DUXA: variants seen among roughly 807,000 people sequenced by gnomAD.
The protein encoded by DUXA is double homeobox A, also known as double homeobox protein A.
In DUXA, 25 loss-of-function variants were observed where a neutral mutation model predicts 27.5. That is an observed-to-expected ratio of 0.91 (90% confidence interval 0.66 to 1.27). The LOEUF (loss-of-function observed/expected upper bound fraction) is 1.27. Ranked by LOEUF, DUXA falls within the 50% of genes most tolerant of loss-of-function variation. The pLI is 0.00. For synonymous variants in DUXA, 90 were observed against 80.5 expected (o/e 1.12, Z -0.63); for missense variants, 247 against 242.9 (o/e 1.02, Z -0.11).
chr19:57,165,560 C>G (rs966062822), intron 1 of DUXA, among the ~76,000 whole-genome samples: 1 of 151,046 alleles, frequency 6.6e-6, no homozygotes, highest in Non-Finnish European at 1.5e-5. Context: ...AATCCCAGCA[C>G]TTTGGGAGGC....
chr19:57,156,385 A>G (rs1054061993), intron 4 of DUXA, among the ~76,000 whole-genome samples: 1 of 152,154 alleles, frequency 6.6e-6, no homozygotes, highest in Non-Finnish European at 1.5e-5. Flanking sequence ...CACACTCACA[A>G]AAATCCCTCA....
At chr19:57,160,092 G>C (rs2087012708) in intron 2 of DUXA, among the ~76,000 whole-genome samples, 1 of 151,984 alleles carries the variant, frequency 6.6e-6, no homozygotes, top group South Asian at 2.1e-4. Context: ...ACGACACAGC[G>C]AGACTCTGTC....
In DUXA at chr19:57,162,126, G is replaced by A. The variant is rs533450864; in HGVS notation, c.26-1329C>T. Among the ~76,000 whole-genome samples the A allele has an allele frequency of 3.2e-4, 48 of 152,116 alleles. No individual in the cohort carries two copies. In the South Asian group the frequency reaches 4.8e-3, roughly 15 times the overall value. ...GTCTCAAACTCCTGGGCTCAAAAGC[G>A]ATTCCCCAGCCTTGGCCTCCCAAAG... is the stretch of plus-strand genomic sequence containing the variant. On this transcript the variant is annotated intron_variant, in intron 1 of 5. Coordinates refer to ENST00000554048, the MANE Select transcript of DUXA (RefSeq NM_001012729.2).
chr19:57,165,314 A>ATATAT (rs1234294237), intron 1 of DUXA, among the ~76,000 whole-genome samples: 21 of 76,578 alleles, frequency 2.7e-4, no homozygotes, highest in African/African-American at 1.2e-3. Context: ...AGTAGGAAAA[A>ATATAT]AAAAAAAAAA....
Position 57,154,491 on chromosome 19 carries a change from G to GA in DUXA, c.545-10dup, listed in dbSNP as rs774528711. 93 of 1,606,948 alleles carry GA rather than the reference G, an allele frequency of 5.8e-5. No homozygotes were observed. Among genetic ancestry groups the GA allele is most frequent in the Non-Finnish European group, 7.7e-5 (91 of 1,174,790 alleles). On this transcript the variant is annotated splice_polypyrimidine_tract_variant and intron_variant, in intron 5 of 5. Coordinates refer to ENST00000554048, the MANE Select transcript of DUXA (RefSeq NM_001012729.2). ...TTGTGTATCTTCTGCACCTAAGGAG[G>GA]AAAAAAGATAGAGGAAAGAATGTAA...
At chr19:57,160,935 G>A (rs888056659) in intron 1 of DUXA, 138 bp from the exon 2 acceptor site, 64 of 959,702 alleles carry the variant, frequency 6.7e-5, no homozygotes, top group Non-Finnish European at 6.6e-5. Context: ...ATACAAGTAT[G>A]GAGCTCTTGA....
chr19:57,155,704 G>A (rs541619605), intron 4 of DUXA, among the ~76,000 whole-genome samples: 8 of 76,394 alleles, frequency 1.0e-4, no homozygotes, highest in East Asian at 4.3e-4. Flanking sequence ...AGTCTCACTC[G>A]GTCACCCAGG....
chr19:57,166,131 C>T (rs2087053447), intron 1 of DUXA, among the ~76,000 whole-genome samples: 1 of 151,914 alleles, frequency 6.6e-6, no homozygotes, highest in Non-Finnish European at 1.5e-5. Flanking sequence ...GGCTGGGACG[C>T]TGCCTGTCCT....
intron 2 of DUXA, among the ~76,000 whole-genome samples, chr19:57,159,989 C>T (rs2087012094): frequency 1.3e-5 from 2 of 152,072 alleles, no homozygotes; most frequent in Admixed American, 6.6e-5. Flanking sequence ...CCTGTAGTCC[C>T]AGCTACTTGG....
intron 1 of DUXA, among the ~76,000 whole-genome samples, chr19:57,165,322 A>ATATATATATATATATATATATGT (rs1484903570): frequency 6.7e-5 from 6 of 89,108 alleles, no homozygotes; most frequent in East Asian, 7.3e-4. Context: ...AAAAAAAAAA[A>ATATATATATATATATATATATGT]AAATATATAT....
Position 57,155,251 on chromosome 19 carries a change from A to G in DUXA, c.544+16T>C, listed in dbSNP as rs763498462. Reference sequence around the variant, plus strand: ...GCTCCGCTTGTGAACCACATTGGAAACAACAGGCTAGTTACCTTGCAGTCC... The same window carrying G: ...GCTCCGCTTGTGAACCACATTGGAAGCAACAGGCTAGTTACCTTGCAGTCC... On this transcript the variant is annotated intron_variant, in intron 5 of 5. Coordinates refer to ENST00000554048, the MANE Select transcript of DUXA (RefSeq NM_001012729.2). The G allele has an allele frequency of 6.2e-7, 1 of 1,611,490 alleles. No homozygotes were observed. The highest frequency in any genetic ancestry group is 1.1e-5 in the South Asian group (1 of 90,926).
rs1411840775 is a variant in DUXA at position 57,160,627 on chromosome 19, T to C, written c.180+16A>G. ...CTTTTTACTTCCAGTCCTGGAGATA[T>C]TGAACTTTAACTTACCTGGATTCTG... On this transcript the variant is annotated intron_variant, in intron 2 of 5. Transcript: ENST00000554048. The C allele has an allele frequency of 1.9e-6, 3 of 1,611,316 alleles. No individual in the cohort carries two copies. Among genetic ancestry groups the C allele is most frequent in the Admixed American group, 1.7e-5 (1 of 59,816 alleles).
At chr19:57,165,324 A>ATATATATATATATGTATATATAT (rs1555759590) in intron 1 of DUXA, among the ~76,000 whole-genome samples, 1 of 89,284 alleles carries the variant, frequency 1.1e-5, no homozygotes, top group Non-Finnish European at 2.3e-5. Context: ...AAAAAAAAAA[A>ATATATATATATATGTATATATAT]ATATATATAT....
intron 1 of DUXA, among the ~76,000 whole-genome samples, chr19:57,165,093 A>C (rs2122700168): frequency 6.6e-6 from 1 of 152,104 alleles, no homozygotes; most frequent in East Asian, 1.9e-4. Flanking sequence ...GGAGCTCCAC[A>C]GGCCATACTT....
intron 1 of DUXA, among the ~76,000 whole-genome samples, chr19:57,166,865 A>G (rs2087057884): frequency 6.6e-6 from 1 of 152,170 alleles, no homozygotes; most frequent in Admixed American, 6.5e-5. Context: ...ATGACCTGGC[A>G]CCTCCTGAGC....
intron 5 of DUXA, 77 bp from the exon 6 acceptor site, chr19:57,154,559 C>T (rs74258096): frequency 0.054 from 65,597 of 1,219,924 alleles, 4,892 homozygotes; most frequent in East Asian, 0.38. Flanking sequence ...AGCCTTTTCC[C>T]ACCTTTTCTT....
At position 57,167,447 on chromosome 19, in the gene DUXA, G is replaced by C; in HGVS notation, c.-4C>G. Reference sequence around the variant, plus strand: ...GTGAATAGGTGTCTTCGGCCATGCTGGAAGAGAGTCCTGAAGGCTGAGCCA... The same window carrying C: ...GTGAATAGGTGTCTTCGGCCATGCTCGAAGAGAGTCCTGAAGGCTGAGCCA... On this transcript the variant is annotated 5_prime_UTR_variant, in exon 1 of 6. Coordinates refer to ENST00000554048, the MANE Select transcript of DUXA (RefSeq NM_001012729.2). The C allele has an allele frequency of 6.2e-7, 1 of 1,613,524 alleles. No individual in the cohort carries two copies. The highest frequency in any genetic ancestry group is 8.5e-7 in the Non-Finnish European group (1 of 1,179,824).
Position 57,167,409 on chromosome 19 carries a change from G to A in DUXA, c.25+10C>T. The A allele has an allele frequency of 6.2e-7, 1 of 1,613,524 alleles. No homozygotes were observed. The highest frequency in any genetic ancestry group is 1.1e-5 in the South Asian group (1 of 90,902). ...CCAACAAAAGCTCAGTCAAGCACAAGGGAACTTACTGTGTGAATAGGTGTC... is the reference window on the plus strand; with the variant it reads ...CCAACAAAAGCTCAGTCAAGCACAAAGGAACTTACTGTGTGAATAGGTGTC... On this transcript the variant is annotated intron_variant, in intron 1 of 5. Transcript: ENST00000554048.
rs549941356 is a variant in DUXA at position 57,160,859 on chromosome 19, G to A, written c.26-62C>T. 15 of 1,571,988 alleles carry A rather than the reference G, an allele frequency of 9.5e-6. No homozygotes were observed. In the African/African-American group the frequency reaches 1.8e-4, roughly 18 times the overall value. ...GTTAATTTATATACTCAAACTTCAGGTTCAAGCTAGTCTCTCACTTCCTCT... is the reference window on the plus strand; with the variant it reads ...GTTAATTTATATACTCAAACTTCAGATTCAAGCTAGTCTCTCACTTCCTCT... On this transcript the variant is annotated intron_variant, in intron 1 of 5. Transcript: ENST00000554048.
Sources: allele counts gnomAD v4.1 joint callset (sites outside exome capture counted in the v4.1 genomes callset), GRCh38; gene constraint gnomAD v4.1.1; transcripts MANE v1.5; gene names NCBI Gene and HGNC (gene_info 2026-07-23, HGNC 2026-07-21).